The following AGBL4 variants were observed in gnomAD, a reference collection of about 807,000 sequenced individuals.
AGBL4 encodes the protein cytosolic carboxypeptidase 6.
A neutral mutation model predicts 66.4 loss-of-function variants in AGBL4; 58 were observed. That is an observed-to-expected ratio of 0.87 (90% CI 0.71 to 1.09). AGBL4 has a LOEUF of 1.09. AGBL4 is among the 50% of genes least tolerant of loss of function. The pLI, the probability that AGBL4 is intolerant of heterozygous loss-of-function variation, is 0.00. For synonymous variants in AGBL4, 234 were observed against 222.9 expected (o/e 1.05, Z -0.44); for missense variants, 579 against 631.0 (o/e 0.92, Z 0.88).
At chr1:49,205,903 T>C (rs1648094524) in intron 4 of AGBL4, among the ~76,000 whole-genome samples, 1 of 152,132 alleles carries the variant, frequency 6.6e-6, no homozygotes, top group African/African-American at 2.4e-5. Flanking sequence ...GGACCCAATA[T>C]CTTCACATTA....
At chr1:49,169,732 A>G (rs1646699010) in intron 4 of AGBL4, among the ~76,000 whole-genome samples, 1 of 152,180 alleles carries the variant, frequency 6.6e-6, no homozygotes, top group Admixed American at 6.6e-5. Context: ...AGGTCACTCC[A>G]TCCATACGCC....
chr1:49,835,954 G>A (rs1645836869), intron 2 of AGBL4, among the ~76,000 whole-genome samples: 1 of 152,206 alleles, frequency 6.6e-6, no homozygotes. Context: ...TCTGCTGTTA[G>A]TTTGATGGGC....
chr1:48,918,815 C>A (rs1341443512), intron 5 of AGBL4, among the ~76,000 whole-genome samples: 1 of 152,212 alleles, frequency 6.6e-6, no homozygotes. Flanking sequence ...GTCAGCACAG[C>A]TGTATACCAA....
chr1:49,532,639 T>C (rs1010853848), intron 3 of AGBL4, among the ~76,000 whole-genome samples: 2 of 152,088 alleles, frequency 1.3e-5, no homozygotes, highest in Non-Finnish European at 2.9e-5. Context: ...TTAATTACAT[T>C]TAGTTTAATA....
intron 3 of AGBL4, among the ~76,000 whole-genome samples, chr1:49,416,104 T>C (rs1645421485): frequency 6.6e-6 from 1 of 152,112 alleles, no homozygotes; most frequent in South Asian, 2.1e-4. Flanking sequence ...ATATAGTCTT[T>C]GTTAAGGACA....
chr1:49,147,254 G>T (rs75115622), intron 4 of AGBL4, among the ~76,000 whole-genome samples: 1 of 152,102 alleles, frequency 6.6e-6, no homozygotes, highest in African/African-American at 2.4e-5. Context: ...TGACTGTCCC[G>T]AAATCATACA....
intron 2 of AGBL4, among the ~76,000 whole-genome samples, chr1:49,720,273 T>G (rs1648497839): frequency 6.6e-6 from 1 of 152,172 alleles, no homozygotes; most frequent in South Asian, 2.1e-4. Context: ...TAGAGCATTT[T>G]GGTTTTCAGA....
intron 2 of AGBL4, among the ~76,000 whole-genome samples, chr1:49,767,397 T>A (rs1326553990): frequency 5.9e-5 from 9 of 151,830 alleles, no homozygotes; most frequent in Middle Eastern, 3.2e-3. Flanking sequence ...ATAAAAAAAA[T>A]TATGTGAAAT....
At chr1:49,019,200 T>A (rs933146514) in intron 5 of AGBL4, among the ~76,000 whole-genome samples, 1 of 152,182 alleles carries the variant, frequency 6.6e-6, no homozygotes, top group African/African-American at 2.4e-5. Flanking sequence ...GGAAAAACTC[T>A]GCTCTTGGAT....
In AGBL4 at chr1:48,915,173, C is replaced by A. The variant is rs142899664; in HGVS notation, c.595-47943G>T. 1.6e-3 allele frequency among the ~76,000 whole-genome samples: 240 copies of A among 152,306 alleles called. 2 individuals carry two copies. In the Middle Eastern group the frequency reaches 0.02, roughly 13 times the overall value. On this transcript the variant is annotated intron_variant, in intron 5 of 13. Transcript: ENST00000371839. ...CTCTTCAGCTTCATCTCTTCTAATCCTCACATTCCTGAAGATACTACCCAT... is the reference window on the plus strand; with the variant it reads ...CTCTTCAGCTTCATCTCTTCTAATCATCACATTCCTGAAGATACTACCCAT...
chr1:49,175,610 T>C (rs924054526), intron 4 of AGBL4, among the ~76,000 whole-genome samples: 1 of 152,178 alleles, frequency 6.6e-6, no homozygotes, highest in African/African-American at 2.4e-5. Context: ...TTTTCTAAAG[T>C]GATTTCTAAC....
In AGBL4 at chr1:49,981,466, T is replaced by C. The variant is rs186828403; in HGVS notation, c.34+42297A>G. Reference sequence around the variant, plus strand: ...ACCTTTCCAATTAACTAAACAACTATGGATTCAGACTGCTCCAGATAAGAG... The same window carrying C: ...ACCTTTCCAATTAACTAAACAACTACGGATTCAGACTGCTCCAGATAAGAG... On this transcript the variant is annotated intron_variant, in intron 1 of 13. Transcript: ENST00000371839. Among the ~76,000 whole-genome samples the C allele has an allele frequency of 9.2e-5, 14 of 152,242 alleles. No individual in the cohort carries two copies. In the East Asian group the frequency reaches 2.7e-3, roughly 29 times the overall value.
At chr1:49,824,629 C>T (rs1029879579) in intron 2 of AGBL4, among the ~76,000 whole-genome samples, 4 of 152,188 alleles carry the variant, frequency 2.6e-5, no homozygotes, top group Non-Finnish European at 4.4e-5. Flanking sequence ...ACTAAGTTAT[C>T]TTGAAGGATA....
At chr1:49,387,608 C>G (rs1644762292) in intron 3 of AGBL4, among the ~76,000 whole-genome samples, 1 of 151,976 alleles carries the variant, frequency 6.6e-6, no homozygotes, top group South Asian at 2.1e-4. Context: ...GTGTTAATGT[C>G]AAAACATTCA....
chr1:48,925,590 C>A (rs1436667690), intron 5 of AGBL4, among the ~76,000 whole-genome samples: 2 of 152,072 alleles, frequency 1.3e-5, no homozygotes, highest in African/African-American at 4.8e-5. Flanking sequence ...AATTATTCTT[C>A]TTCCAATGTG....
chr1:49,620,546 G>A (rs12738636), intron 3 of AGBL4, among the ~76,000 whole-genome samples: 51,107 of 152,018 alleles, frequency 0.34, 8,988 homozygotes, highest in Middle Eastern at 0.42. Flanking sequence ...CAACCACTGC[G>A]GAAGACAATA....
chr1:49,296,324 A>G (rs1240655461), intron 3 of AGBL4, among the ~76,000 whole-genome samples: 5 of 152,196 alleles, frequency 3.3e-5, no homozygotes, highest in Non-Finnish European at 7.3e-5. Context: ...AACCTTGAGT[A>G]TGTCTGACTT....
rs575822450 is a variant in AGBL4, at chr1:48,888,998, C to T, written c.595-21768G>A. ...GCAGGCAGAAAGCCTAGTTTATTTC[C>T]AGACCCTCCAACTTTCAACAAAGAA... On this transcript the variant is annotated intron_variant, in intron 5 of 13. Transcript: ENST00000371839. Among the ~76,000 whole-genome samples the T allele has an allele frequency of 1.1e-4, 16 of 152,276 alleles. No individual in the cohort carries two copies. In the East Asian group the frequency reaches 3.1e-3, roughly 29 times the overall value.
chr1:49,981,743 T>C (rs1659073888), intron 1 of AGBL4, among the ~76,000 whole-genome samples: 1 of 152,178 alleles, frequency 6.6e-6, no homozygotes, highest in Non-Finnish European at 1.5e-5. Context: ...ATAATAAATG[T>C]GTGCTATTAT....
Sources: allele counts gnomAD v4.1 joint callset (sites outside exome capture counted in the v4.1 genomes callset), GRCh38; gene constraint gnomAD v4.1.1; transcripts MANE v1.5; gene names NCBI Gene and HGNC (gene_info 2026-07-23, HGNC 2026-07-21).